Variants in CNTNAP2 observed in about 807,000 individuals in gnomAD.
CNTNAP2 encodes contactin-associated protein-like 2.
In CNTNAP2, 98 loss-of-function variants were observed where a neutral mutation model predicts 155.2. The ratio of observed to expected loss-of-function variants is 0.63; its 90% CI spans 0.54 to 0.75. CNTNAP2 has a LOEUF of 0.75. Among genes scored for constraint, CNTNAP2 ranks in the 30% least tolerant of loss-of-function variants. The pLI is 0.00. For missense variants in CNTNAP2, 1,727 were observed against 1,688.1 expected (o/e 1.02, Z -0.40); for synonymous variants, 651 against 631.2 (o/e 1.03, Z -0.47).
intron 15 of CNTNAP2, among the ~76,000 whole-genome samples, chr7:148,115,660 G>A (rs376059427): frequency 6.6e-6 from 1 of 152,130 alleles, no homozygotes; most frequent in East Asian, 1.9e-4. Context: ...TGTGTAGTAA[G>A]GCAGATGTTG....
intron 8 of CNTNAP2, among the ~76,000 whole-genome samples, chr7:147,149,096 G>T (rs116015849): frequency 1.3e-5 from 2 of 152,126 alleles, no homozygotes; most frequent in Admixed American, 6.5e-5. Context: ...ATTTGACCCC[G>T]CACACATCCT....
chr7:147,897,777 C>A (rs750054829), intron 13 of CNTNAP2, among the ~76,000 whole-genome samples: 2 of 152,102 alleles, frequency 1.3e-5, no homozygotes, highest in African/African-American at 2.4e-5. Context: ...GATATTTCAA[C>A]GCTTATTTTT....
At chr7:146,769,604 C>T (rs73457286) in intron 1 of CNTNAP2, among the ~76,000 whole-genome samples, 5,336 of 152,220 alleles carry the variant, frequency 0.035, 335 homozygotes, top group African/African-American at 0.12. Context: ...TTCTACCTAT[C>T]TGTAGTCTCT....
At chr7:146,899,927 T>C (rs1305134458) in intron 3 of CNTNAP2, among the ~76,000 whole-genome samples, 2 of 152,212 alleles carry the variant, frequency 1.3e-5, no homozygotes, top group African/African-American at 2.4e-5. Context: ...CCCTTAAAGA[T>C]AGATGTCCCT....
intron 15 of CNTNAP2, among the ~76,000 whole-genome samples, chr7:148,009,509 C>T (rs12532213): frequency 0.04 from 6,048 of 152,196 alleles, 249 homozygotes; most frequent in East Asian, 0.24. Context: ...ATTACTCAAA[C>T]TTAGTATAGC....
At chr7:147,661,959 CCTTT>C (rs928499648) in intron 13 of CNTNAP2, among the ~76,000 whole-genome samples, 76 of 152,252 alleles carry the variant, frequency 5.0e-4, no homozygotes, top group African/African-American at 1.8e-3. Context: ...ATTTGCCCTT[CCTTT>C]GTCTCTAATA....
At chr7:147,604,306 A>T (rs1801016506) in intron 12 of CNTNAP2, among the ~76,000 whole-genome samples, 1 of 151,952 alleles carries the variant, frequency 6.6e-6, no homozygotes, top group African/African-American at 2.4e-5. Flanking sequence ...ATGGGAGAAA[A>T]TTTTCACAAC....
chr7:148,012,176 C>T (rs1001017092), intron 15 of CNTNAP2, among the ~76,000 whole-genome samples: 1 of 152,212 alleles, frequency 6.6e-6, no homozygotes, highest in Non-Finnish European at 1.5e-5. Flanking sequence ...CCTCAGTCTC[C>T]CAAAGTGTCG....
chr7:146,846,234 C>T (rs1382753346), intron 3 of CNTNAP2, among the ~76,000 whole-genome samples: 1 of 152,154 alleles, frequency 6.6e-6, no homozygotes, highest in Non-Finnish European at 1.5e-5. Flanking sequence ...TAAACATCTA[C>T]ATTCCTGCTG....
intron 3 of CNTNAP2, among the ~76,000 whole-genome samples, chr7:147,016,399 C>A (rs1798723770): frequency 6.6e-6 from 1 of 151,996 alleles, no homozygotes; most frequent in Admixed American, 6.6e-5. Context: ...ATTCAAATCT[C>A]CCCTCTTGTT....
rs189375540 is a variant in CNTNAP2 at position 148,243,448 on chromosome 7, A to T, written c.3381+13669A>T. ...ATAAAGACGTACCTGAGACTGCGTA[A>T]TTTACAAAAGAAAAGGGTTTAATGG... On this transcript the variant is annotated intron_variant, in intron 20 of 23. Transcript: ENST00000361727. Among the ~76,000 whole-genome samples the T allele has an allele frequency of 2.6e-5, 4 of 152,296 alleles. No individual in the cohort carries two copies. The East Asian group carries it at 7.7e-4, about 29-fold the overall frequency.
intron 4 of CNTNAP2, chr7:147,081,900 A>T (rs1424919511): frequency 6.6e-6 from 1 of 152,174 alleles, no homozygotes; most frequent in Non-Finnish European, 1.5e-5. Flanking sequence ...CTAGAAGGAA[A>T]TCAAATGAGA....
chr7:147,795,128 C>T (rs150063042), intron 13 of CNTNAP2, among the ~76,000 whole-genome samples: 1 of 151,648 alleles, frequency 6.6e-6, no homozygotes, highest in East Asian at 1.9e-4. Context: ...CCTATTCTTG[C>T]CTAGCATTTA....
chr7:147,027,800 T>C (rs1798951278), intron 3 of CNTNAP2, among the ~76,000 whole-genome samples: 1 of 152,112 alleles, frequency 6.6e-6, no homozygotes, highest in Non-Finnish European at 1.5e-5. Context: ...ACATTGTGAA[T>C]GTGAGTGAGG....
intron 13 of CNTNAP2, among the ~76,000 whole-genome samples, chr7:147,696,822 T>C (rs1013624253): frequency 6.6e-6 from 1 of 152,106 alleles, no homozygotes. Context: ...ACCTTGAATA[T>C]TTAACTCTAC....
rs141401367 is a variant in CNTNAP2, at chr7:147,325,172, C to T, written c.1498+24882C>T. ...AAAATTAGCTGGGCATGGTGGCACA[C>T]GCCTGCAATCCCAGCTACTCAGGAG... is the stretch of plus-strand genomic sequence containing the variant. On this transcript the variant is annotated intron_variant, in intron 9 of 23. Coordinates refer to ENST00000361727, the MANE Select transcript of CNTNAP2 (RefSeq NM_014141.6). 7.4e-3 allele frequency among the ~76,000 whole-genome samples: 1,128 copies of T among 152,032 alleles called. 17 individuals are homozygous for T. The highest frequency in any genetic ancestry group is 0.025 in the African/African-American group (1,033 of 41,482).
At chr7:148,293,068 A>C (rs1014543352) in intron 21 of CNTNAP2, among the ~76,000 whole-genome samples, 9 of 105,118 alleles carry the variant, frequency 8.6e-5, no homozygotes, top group Admixed American at 3.2e-4. Context: ...CGTGATTGAC[A>C]AAAAATAAAT....
intron 12 of CNTNAP2, among the ~76,000 whole-genome samples, chr7:147,627,652 A>G (rs1795007338): frequency 7.1e-6 from 1 of 141,112 alleles, no homozygotes; most frequent in Non-Finnish European, 1.5e-5. Flanking sequence ...AGATTGTGCC[A>G]TTGCACTCCA....
chr7:146,621,690 C>A (rs1379530292), intron 1 of CNTNAP2, among the ~76,000 whole-genome samples: 1 of 152,188 alleles, frequency 6.6e-6, no homozygotes, highest in African/African-American at 2.4e-5. Context: ...CGACTTGTCA[C>A]TGTTGATGTT....
Sources: allele counts gnomAD v4.1 joint callset (sites outside exome capture counted in the v4.1 genomes callset), GRCh38; gene constraint gnomAD v4.1.1; transcripts MANE v1.5; gene names NCBI Gene and HGNC (gene_info 2026-07-23, HGNC 2026-07-21).